RNF24: variants seen among roughly 807,000 people sequenced by gnomAD.
The protein encoded by RNF24 is ring finger protein 24.
Under a neutral mutation model 20.0 loss-of-function variants are expected in RNF24, and 14 were observed. The ratio of observed to expected loss-of-function variants is 0.70; its 90% CI spans 0.46 to 1.10. The LOEUF is 1.10. Ranked by LOEUF, RNF24 falls within the 50% of genes least tolerant of loss-of-function variation. The pLI is 0.00. For missense variants in RNF24, 124 were observed against 177.6 expected (o/e 0.70, Z 1.71); for synonymous variants, 45 against 61.1 (o/e 0.74, Z 1.23).
intron 1 of RNF24, among the ~76,000 whole-genome samples, chr20:3,995,818 T>C (rs1980813326): frequency 6.6e-6 from 1 of 152,076 alleles, no homozygotes; most frequent in African/African-American, 2.4e-5. Context: ...GGGGTGAATT[T>C]GGTTCTGCTT....
intron 1 of RNF24, among the ~76,000 whole-genome samples, chr20:4,006,672 T>C (rs2122145541): frequency 6.6e-6 from 1 of 152,354 alleles, no homozygotes; most frequent in Non-Finnish European, 1.5e-5. Flanking sequence ...GGTTCACTTG[T>C]AACATTATCT....
rs1381109094 is a variant in RNF24, at chr20:3,933,329, CACTCAGGGACAGTGTGG to C, written c.*717_*733del. 1.8e-5 allele frequency: 7 copies of C among 397,404 alleles called. No homozygotes were observed. In the Admixed American group the frequency reaches 2.6e-4, roughly 15 times the overall value. 24.6% of individuals were successfully genotyped at this position (397,404 alleles called of 1,614,324 possible). A position where few individuals can be genotyped will look rare whatever the true frequency, so the allele number is the denominator to read the frequency against. ...TGGGGATGTGGGCAGCCTCCTGGAT[CACTCAGGGACAGTGTGG>C]ACTCAGGGCCCACTCCCTGCTGGGG... On this transcript the variant is annotated 3_prime_UTR_variant, in exon 6 of 6. Coordinates refer to ENST00000358395, the MANE Select transcript of RNF24 (RefSeq NM_001134337.3).
chr20:3,947,503 A>G (rs1226912663), intron 3 of RNF24, among the ~76,000 whole-genome samples: 4 of 152,216 alleles, frequency 2.6e-5, no homozygotes, highest in Non-Finnish European at 5.9e-5. Flanking sequence ...ATATGAGCTA[A>G]CATTTAAAGT....
chr20:3,962,920 C>A (rs1204785892), intron 2 of RNF24, among the ~76,000 whole-genome samples: 2 of 151,450 alleles, frequency 1.3e-5, no homozygotes, highest in African/African-American at 2.4e-5. Context: ...AGGCTGGTCT[C>A]GAACTCCCGA....
intron 1 of RNF24, among the ~76,000 whole-genome samples, chr20:3,989,444 T>C (rs933353209): frequency 2.6e-5 from 4 of 151,510 alleles, no homozygotes; most frequent in Admixed American, 2.0e-4. Flanking sequence ...TGAGCCAAGA[T>C]TGCACCACTG....
chr20:3,928,599 T>C lies in RNF24; in HGVS notation c.*5464A>G, dbSNP rs2090763649. The C allele has an allele frequency of 1.3e-5, 2 of 151,342 alleles. No individual in the cohort carries two copies. The allele number at this position is 151,342 out of a possible 1,614,324, so 9.4% of individuals were successfully genotyped here. On this transcript the variant is annotated 3_prime_UTR_variant, in exon 6 of 6. Transcript: ENST00000358395. ...GGTGAAACTCCGTCTGTACTAAAAA[T>C]ACAAAAAATTAGCCGAGCGTGGTGG...
At position 4,015,454 on chromosome 20, in the gene RNF24, A is replaced by G. The variant is rs1306750124; in HGVS notation, c.-25T>C. The G allele has an allele frequency of 6.6e-6, 1 of 150,946 alleles. No homozygotes were observed. Among genetic ancestry groups the G allele is most frequent in the East Asian group, 2.0e-4 (1 of 5,088 alleles). The allele number at this position is 150,946 out of a possible 1,614,324, so 9.4% of individuals were successfully genotyped here. On this transcript the variant is annotated 5_prime_UTR_variant, in exon 1 of 6. Transcript: ENST00000358395. Reference sequence around the variant, plus strand: ...TCACTTACTCGGGCGCGCCGGTGGCAGCGGCAGACGTGCGGGACCGTCAGC... The same window carrying G: ...TCACTTACTCGGGCGCGCCGGTGGCGGCGGCAGACGTGCGGGACCGTCAGC...
At chr20:3,990,693 T>C (rs1490195684) in intron 1 of RNF24, among the ~76,000 whole-genome samples, 1 of 151,894 alleles carries the variant, frequency 6.6e-6, no homozygotes, top group African/African-American at 2.4e-5. Context: ...AAAAATAATA[T>C]ATATATACAC....
chr20:3,938,564 G>A (rs921326163), intron 4 of RNF24, among the ~76,000 whole-genome samples: 2 of 152,168 alleles, frequency 1.3e-5, no homozygotes, highest in African/African-American at 4.8e-5. Context: ...CTGTTAGGAT[G>A]AAAAGACTGG....
chr20:3,995,922 T>C (rs1980827488), intron 1 of RNF24, among the ~76,000 whole-genome samples: 1 of 152,182 alleles, frequency 6.6e-6, no homozygotes, highest in African/African-American at 2.4e-5. Flanking sequence ...GCAATTTCAT[T>C]AGCCCTGAAA....
In RNF24 at chr20:3,929,223, G is replaced by C. The variant is rs2090781500; in HGVS notation, c.*4840C>G. The C allele has an allele frequency of 6.6e-6, 1 of 152,214 alleles. No individual in the cohort carries two copies. The highest frequency in any genetic ancestry group is 2.1e-4 in the South Asian group (1 of 4,830). 9.4% of individuals were successfully genotyped at this position (152,214 alleles called of 1,614,324 possible). On this transcript the variant is annotated 3_prime_UTR_variant, in exon 6 of 6. Coordinates refer to ENST00000358395, the MANE Select transcript of RNF24 (RefSeq NM_001134337.3). ...CAGCCTGGGCAACATAGTGAGTTGAGACCTGTCTCTACAAAAAAATAATTA... is the reference window on the plus strand; with the variant it reads ...CAGCCTGGGCAACATAGTGAGTTGACACCTGTCTCTACAAAAAAATAATTA...
chr20:4,014,065 G>A (rs1298840036), intron 1 of RNF24, among the ~76,000 whole-genome samples: 2 of 152,216 alleles, frequency 1.3e-5, no homozygotes, highest in South Asian at 4.1e-4. Context: ...GTCAACGTTT[G>A]TGGGAACCTA....
chr20:3,988,565 T>A lies in RNF24; in HGVS notation c.-7-24541A>T, dbSNP rs948162145. Among the ~76,000 whole-genome samples, 9 of 148,244 alleles carry A rather than the reference T, an allele frequency of 6.1e-5. No individual in the cohort carries two copies. The South Asian group carries it at 2.0e-3, about 33-fold the overall frequency. On this transcript the variant is annotated intron_variant, in intron 1 of 5. Transcript: ENST00000358395. ...GCCTCAACCTCCTGGGCTCAAGCAA[T>A]CCTTCTGCCTTAGCCTCCCCAGGAG...
chr20:3,955,879 T>C (rs1345598478), intron 2 of RNF24, among the ~76,000 whole-genome samples: 1 of 152,210 alleles, frequency 6.6e-6, no homozygotes. Context: ...AATTTTATTC[T>C]TTTGGATGCT....
intron 2 of RNF24, 38 bp from the exon 3 acceptor site, chr20:3,948,317 C>A: frequency 1.4e-6 from 2 of 1,397,070 alleles, no homozygotes; most frequent in Non-Finnish European, 2.0e-6. Flanking sequence ...ATTGAGATTT[C>A]CAACATAGTA....
At chr20:4,001,210 C>T (rs1398792524) in intron 1 of RNF24, among the ~76,000 whole-genome samples, 7 of 151,966 alleles carry the variant, frequency 4.6e-5, no homozygotes, top group Middle Eastern at 3.4e-3. Flanking sequence ...GAGGTTGCAG[C>T]GAGCTGAGAT....
chr20:3,934,830 C>T lies in RNF24; in HGVS notation c.308+164G>A, dbSNP rs1252668119. Reference sequence around the variant, plus strand: ...ACCACTCTGCTGTCTCCTAATGTCACGCACACACACACACATCCCACCTGT... The same window carrying T: ...ACCACTCTGCTGTCTCCTAATGTCATGCACACACACACACATCCCACCTGT... On this transcript the variant is annotated intron_variant, in intron 5 of 5. Transcript: ENST00000358395. The surrounding 1 kb of genome is among the most constrained non-coding windows in gnomAD (Gnocchi z 4.0). 2.6e-5 allele frequency among the ~76,000 whole-genome samples: 4 copies of T among 152,126 alleles called. No homozygotes were observed. Among genetic ancestry groups the T allele is most frequent in the Non-Finnish European group, 4.4e-5 (3 of 68,022 alleles).
chr20:4,005,586 C>A (rs1981797878), intron 1 of RNF24, among the ~76,000 whole-genome samples: 1 of 152,140 alleles, frequency 6.6e-6, no homozygotes, highest in Admixed American at 6.5e-5. Context: ...GTTTCATTAT[C>A]TGTCAACTTT....
intron 1 of RNF24, among the ~76,000 whole-genome samples, chr20:4,011,810 A>C (rs1982480690): frequency 6.6e-6 from 1 of 152,250 alleles, no homozygotes; most frequent in African/African-American, 2.4e-5. Context: ...CTAACTGTCA[A>C]GTATGAGTGG....
Sources: gnomAD v4.1 joint callset for allele counts (sites outside exome capture counted in the v4.1 genomes callset) on GRCh38, gnomAD v4.1.1 for gene constraint, Gnocchi (gnomAD v3.1) non-coding constraint, MANE v1.5 for transcripts, NCBI Gene and HGNC (gene_info 2026-07-23, HGNC 2026-07-21) for gene names.